DGKK: variants seen among roughly 807,000 people sequenced by gnomAD.
The protein encoded by DGKK is diacylglycerol kinase kappa.
DGKK carries 35 observed loss-of-function variants against 92.2 expected under a neutral mutation model. The ratio of observed to expected loss-of-function variants is 0.38; its 90% confidence interval spans 0.29 to 0.50. The LOEUF is 0.50. Ranked by LOEUF, DGKK falls within the 20% of genes least tolerant of loss-of-function variation. The pLI is 0.92. For missense variants in DGKK, 910 were observed against 992.2 expected (o/e 0.92, Z 1.11); for synonymous variants, 368 against 360.6 (o/e 1.02, Z -0.23).
At chrX:50,377,704 G>A (rs1261004835) in intron 22 of DGKK, among the ~76,000 whole-genome samples, 1 of 112,322 alleles carries the variant, frequency 8.9e-6, no homozygotes, top group Non-Finnish European at 1.9e-5. Flanking sequence ...GTTCAATGCA[G>A]AATCTGTTGC....
At chrX:50,379,253 G>A (rs1386024128) in intron 20 of DGKK, among the ~76,000 whole-genome samples, 3 of 106,862 alleles carry the variant, frequency 2.8e-5, no homozygotes, top group South Asian at 4.4e-4. Flanking sequence ...CCTGGGAGGC[G>A]GAGGTTGCAG....
chrX:50,406,595 G>A (rs1925160083), intron 4 of DGKK, among the ~76,000 whole-genome samples: 1 of 111,684 alleles, frequency 9.0e-6, no homozygotes, highest in South Asian at 3.8e-4. Context: ...AGACACAGGG[G>A]AGAACACCAG....
chrX:50,376,107 C>T lies in DGKK; in HGVS notation c.3331G>A (p.Ala1111Thr), dbSNP rs372991252. Residue 1111 changes from alanine (A) to threonine (T), a missense_variant, in exon 24 of 28, where the codon GCC (alanine) becomes ACC (threonine). Physicochemically the swap from Ala to Thr is moderately conservative, Grantham distance 58 (BLOSUM62 0). Coordinates refer to ENST00000611977, the MANE Select transcript of DGKK (RefSeq NM_001013742.4). ...ATATCATTCAGGATGTTAGCGCTGG[C>T]ATTCACAGAACCCATGAGGACAGAC... ...HVSVLMGSVN[A>T]SANILNDIFY... 78 of 1,209,630 alleles carry T rather than the reference C, an allele frequency of 6.4e-5. No individual in the cohort carries two copies. Among genetic ancestry groups the T allele is most frequent in the Non-Finnish European group, 8.6e-5 (77 of 894,971 alleles).
chrX:50,445,192 G>T (rs1293888225), intron 1 of DGKK, among the ~76,000 whole-genome samples: 1 of 99,412 alleles, frequency 1.0e-5, no homozygotes, highest in Non-Finnish European at 2.0e-5. Flanking sequence ...ACCTTTGTCA[G>T]ATGCATAGTT....
chrX:50,392,294 C>T (rs782105019), intron 10 of DGKK, 47 bp downstream of exon 10: 1 of 1,008,267 alleles, frequency 9.9e-7, no homozygotes, highest in African/African-American at 1.9e-5. Flanking sequence ...AGCTGCACAC[C>T]CCTACTCTTT....
At chrX:50,401,817 T>C (rs889100434) in intron 7 of DGKK, among the ~76,000 whole-genome samples, 2 of 111,247 alleles carry the variant, frequency 1.8e-5, no homozygotes, top group Non-Finnish European at 3.8e-5. Flanking sequence ...TCTTCTTGTC[T>C]AGAAAACTCA....
intron 8 of DGKK, 99 bp from the exon 9 acceptor site, chrX:50,393,434 T>G: frequency 6.0e-6 from 4 of 670,325 alleles, no homozygotes; most frequent in Non-Finnish European, 8.8e-6. Context: ...ACTTTTTGAG[T>G]ATGAGTCTCA....
At chrX:50,456,435 C>T (rs1295499190) in intron 1 of DGKK, among the ~76,000 whole-genome samples, 1 of 111,676 alleles carries the variant, frequency 9.0e-6, no homozygotes, top group East Asian at 2.8e-4. Flanking sequence ...GAGTCAAGAG[C>T]TTTTCAATTA....
chrX:50,397,965 T>C (rs185876923), intron 8 of DGKK, among the ~76,000 whole-genome samples: 239 of 111,134 alleles, frequency 2.2e-3, no homozygotes, highest in African/African-American at 7.7e-3. Context: ...TTACAGAAGC[T>C]GTCAAACAGA....
Position 50,376,892 on chromosome X carries a change from C to G in DGKK, c.3138G>C (p.Trp1046Cys), listed in dbSNP as rs1557223920. 1 of 1,201,911 alleles carries G rather than the reference C, an allele frequency of 8.3e-7. No homozygotes were observed. The highest frequency in any genetic ancestry group is 2.2e-5 in the Admixed American group (1 of 45,232). ...DRDFENSMKM[W>C]EYKHTEIQAA... ...CTTGAATTTCAGTATGCTTGTATTCCCACATTTTCATTGAGTTCTCAAAGT... is the reference window on the plus strand; with the variant it reads ...CTTGAATTTCAGTATGCTTGTATTCGCACATTTTCATTGAGTTCTCAAAGT... Residue 1046 changes from tryptophan to cysteine, a missense_variant, in exon 23 of 28, where the codon TGG becomes TGC. Transcript: ENST00000611977.
At chrX:50,430,056 GC>G (rs1228063671) in intron 1 of DGKK, among the ~76,000 whole-genome samples, 8 of 112,353 alleles carry the variant, frequency 7.1e-5, no homozygotes, top group Non-Finnish European at 1.3e-4. Flanking sequence ...AAATAAGATA[GC>G]CCATGTTTGT....
chrX:50,445,227 G>A (rs782120258), intron 1 of DGKK, among the ~76,000 whole-genome samples: 1 of 106,669 alleles, frequency 9.4e-6, no homozygotes, highest in Admixed American at 1.0e-4. Flanking sequence ...CCATTCTGTA[G>A]GTTGTCTGTT....
chrX:50,397,102 A>G (rs1924872552), intron 8 of DGKK, among the ~76,000 whole-genome samples: 1 of 112,144 alleles, frequency 8.9e-6, no homozygotes, highest in Non-Finnish European at 1.9e-5. Context: ...CCAGAACAGG[A>G]CAATACGAAC....
rs140236946 is a variant in DGKK, at chrX:50,373,664, A to G, written c.3501+1307T>C. ...ACTCTGCCTCCTGTGCAGTGTGCCAATTAGATGAGCAAATGAAAAGAGGAA... is the reference window on the plus strand; with the variant it reads ...ACTCTGCCTCCTGTGCAGTGTGCCAGTTAGATGAGCAAATGAAAAGAGGAA... On this transcript the variant is annotated intron_variant, in intron 25 of 27. Coordinates refer to ENST00000611977, the MANE Select transcript of DGKK (RefSeq NM_001013742.4). Among the ~76,000 whole-genome samples, 10 of 112,360 alleles carry G rather than the reference A, an allele frequency of 8.9e-5. No homozygotes were observed. In the East Asian group the frequency reaches 2.8e-3, roughly 32 times the overall value.
At chrX:50,463,814 C>T (rs1350575132) in intron 1 of DGKK, among the ~76,000 whole-genome samples, 1 of 110,521 alleles carries the variant, frequency 9.0e-6, no homozygotes, top group Admixed American at 9.6e-5. Flanking sequence ...AATGTATTTG[C>T]TTGTTTTGAG....
rs782488030 is a variant in DGKK at position 50,368,890 on chromosome X, G to GT, written c.*49dup. On this transcript the variant is annotated 3_prime_UTR_variant, in exon 28 of 28. Transcript: ENST00000611977. ...TCTAGCCTGTATTGAGGTTTTGAGA[G>GT]TTTTTTTAGTAGAATTCTCAATGTT... 3.7e-5 allele frequency: 41 copies of GT among 1,098,812 alleles called. No individual in the cohort carries two copies. Among genetic ancestry groups the GT allele is most frequent in the Admixed American group, 2.3e-4 (10 of 43,482 alleles). The allele number at this position is 1,098,812 out of a possible 1,213,427, so 90.6% of individuals were successfully genotyped here.
At chrX:50,397,649 C>A (rs1283223168) in intron 8 of DGKK, among the ~76,000 whole-genome samples, 1 of 112,328 alleles carries the variant, frequency 8.9e-6, no homozygotes, top group African/African-American at 3.2e-5. Context: ...TCTGATACAA[C>A]AACCACTGCA....
rs142541881 is a variant in DGKK at position 50,380,665 on chromosome X, T to C, written c.2658-588A>G. ...GAGACAGGAAAGGATATCAGGTGAC[T>C]TGAGGTGGAGGTGGGGAGGACAGCG... On this transcript the variant is annotated intron_variant, in intron 18 of 27. Transcript: ENST00000611977. Among the ~76,000 whole-genome samples the C allele has an allele frequency of 4.3e-3, 473 of 111,165 alleles. 3 individuals carry two copies. Among genetic ancestry groups the C allele is most frequent in the African/African-American group, 0.015 (446 of 30,522 alleles).
chrX:50,459,469 C>T (rs1159331838), intron 1 of DGKK, among the ~76,000 whole-genome samples: 1 of 110,461 alleles, frequency 9.1e-6, no homozygotes. Flanking sequence ...TGTGGAAAGG[C>T]AAAGTAAGGC....
Sources: gnomAD v4.1 joint callset for allele counts (sites outside exome capture counted in the v4.1 genomes callset) on GRCh38, gnomAD v4.1.1 for gene constraint, MANE v1.5 for transcripts, NCBI Gene and HGNC (gene_info 2026-07-23, HGNC 2026-07-21) for gene names.